Variants in TTPAL observed in about 807,000 individuals in gnomAD.
TTPAL encodes the protein alpha-tocopherol transfer protein-like.
In TTPAL, 21 loss-of-function variants were observed where a neutral mutation model predicts 28.7. The ratio of observed to expected loss-of-function variants is 0.73; its 90% CI spans 0.52 to 1.06. The LOEUF (loss-of-function observed/expected upper bound fraction) is 1.06. TTPAL is among the 50% of genes least tolerant of loss of function. The pLI, the probability that TTPAL is intolerant of heterozygous loss-of-function variation, is 0.00. For synonymous variants in TTPAL, 169 were observed against 171.9 expected (o/e 0.98, Z 0.13); for missense variants, 345 against 425.5 (o/e 0.81, Z 1.67).
At position 44,480,021 on chromosome 20, in the gene TTPAL, C is replaced by CT. The variant is rs2064086693; in HGVS notation, c.23dup (p.Arg9GlufsTer11). The CT allele has an allele frequency of 1.9e-6, 3 of 1,613,606 alleles. No individual in the cohort carries two copies. Among genetic ancestry groups the CT allele is most frequent in the Non-Finnish European group, 2.5e-6 (3 of 1,179,572 alleles). ...GCTAATGTCCGAAGAAAGTGACTCT[C>CT]TGAGAACCAGCCCTTCTGTGGCCTC... On this transcript the variant is annotated frameshift_variant, in exon 2 of 5. Coordinates refer to ENST00000262605, the MANE Select transcript of TTPAL (RefSeq NM_001039199.3). LOFTEE classifies it high-confidence loss of function. This position sits in a 1 kb window ranked among gnomAD's most constrained non-coding sequence, Gnocchi z 4.1.
chr20:44,487,242 G>A (rs544146980), intron 4 of TTPAL, among the ~76,000 whole-genome samples: 14 of 151,380 alleles, frequency 9.2e-5, no homozygotes, highest in Admixed American at 6.6e-5. Context: ...AGATCATGCC[G>A]CTGCACTCCA....
In TTPAL at chr20:44,480,504, A is replaced by G; in HGVS notation, c.445+60A>G. ...CAGTCCTTCTGCAGTGTGTCCATTC[A>G]GCACCCTGTCCTCCTTTCCAAGTCC... On this transcript the variant is annotated intron_variant, in intron 2 of 4. Transcript: ENST00000262605. The surrounding 1 kb of genome is among the most constrained non-coding windows in gnomAD (Gnocchi z 4.1). The G allele has an allele frequency of 2.0e-6, 3 of 1,465,962 alleles. No individual in the cohort carries two copies. Among genetic ancestry groups the G allele is most frequent in the Non-Finnish European group, 1.8e-6 (2 of 1,091,518 alleles). The allele number at this position is 1,465,962 out of a possible 1,614,324, so 90.8% of individuals were successfully genotyped here.
At chr20:44,487,925 C>A (rs950702840) in intron 4 of TTPAL, among the ~76,000 whole-genome samples, 2 of 152,214 alleles carry the variant, frequency 1.3e-5, no homozygotes, top group South Asian at 2.1e-4. Context: ...CGTGCCACCA[C>A]GCACAGCTAA....
chr20:44,481,689 C>T (rs925665304), intron 2 of TTPAL, among the ~76,000 whole-genome samples: 1 of 152,178 alleles, frequency 6.6e-6, no homozygotes, highest in African/African-American at 2.4e-5. Flanking sequence ...GAGTGGACAC[C>T]TCCATGCACT....
chr20:44,483,952 T>TGG (rs1426711059), intron 2 of TTPAL, among the ~76,000 whole-genome samples: 1 of 152,092 alleles, frequency 6.6e-6, no homozygotes, highest in Non-Finnish European at 1.5e-5. Context: ...CCACCATACC[T>TGG]GGCTAGTGTT....
rs1284625582 is a variant in TTPAL, at chr20:44,490,758, GTAGT to G, written c.*1220_*1223del. ...GTACTATATTGTAAACCTGGCTACAGTAGTTAATTACTTGAGATTCTTTAATTTT... is the reference window on the plus strand; with the variant it reads ...GTACTATATTGTAAACCTGGCTACAGTAATTACTTGAGATTCTTTAATTTT... On this transcript the variant is annotated 3_prime_UTR_variant, in exon 5 of 5. Transcript: ENST00000262605. 2 of 152,246 alleles carry G rather than the reference GTAGT, an allele frequency of 1.3e-5. No individual in the cohort carries two copies. The highest frequency in any genetic ancestry group is 2.9e-5 in the Non-Finnish European group (2 of 68,054). The allele number at this position is 152,246 out of a possible 1,614,324, so 9.4% of individuals were successfully genotyped here.
intron 1 of TTPAL, 78 bp from the exon 2 acceptor site, chr20:44,479,907 T>A: frequency 8.2e-7 from 1 of 1,221,052 alleles, no homozygotes; most frequent in Non-Finnish European, 1.2e-6. Context: ...ACAGAAGTGT[T>A]CCTGTCCCCT....
At chr20:44,479,960 T>C in intron 1 of TTPAL, 25 bp from the exon 2 acceptor site, 1 of 1,582,256 alleles carries the variant, frequency 6.3e-7, no homozygotes, top group South Asian at 1.1e-5. Flanking sequence ...CTTGTTAACT[T>C]TGCTTAGGGC....
rs1186025587 is a variant in TTPAL at position 44,477,631 on chromosome 20, TTATC to T, written c.-16+1652_-16+1655del. 6.6e-3 allele frequency among the ~76,000 whole-genome samples: 978 copies of T among 147,942 alleles called. 9 individuals carry two copies. The highest frequency in any genetic ancestry group is 0.015 in the African/African-American group (609 of 39,658). On this transcript the variant is annotated intron_variant, in intron 1 of 4. Transcript: ENST00000262605. ...CCTTTTAAAATATATTTTTATTTAT[TTATC>T]TATCTATCTATTTATTTATTTATTT...
chr20:44,489,598 C>G lies in TTPAL; in HGVS notation c.*57C>G. 6.5e-7 allele frequency: 1 copy of G among 1,528,888 alleles called. No individual in the cohort carries two copies. Among genetic ancestry groups the G allele is most frequent in the Non-Finnish European group, 8.8e-7 (1 of 1,134,240 alleles). The allele number at this position is 1,528,888 out of a possible 1,614,324, so 94.7% of individuals were successfully genotyped here. A position where few individuals can be genotyped will look rare whatever the true frequency, so the allele number is the denominator to read the frequency against. On this transcript the variant is annotated 3_prime_UTR_variant, in exon 5 of 5. Coordinates refer to ENST00000262605, the MANE Select transcript of TTPAL (RefSeq NM_001039199.3). ...TTTCCTTCTTTTCTTTGGAGAGGCA[C>G]AAGGAGAATTTAAGGGTCCATGGAT...
At chr20:44,487,128 A>G (rs1320596597) in intron 4 of TTPAL, among the ~76,000 whole-genome samples, 2 of 152,168 alleles carry the variant, frequency 1.3e-5, no homozygotes, top group African/African-American at 4.8e-5. Context: ...TAAAAATACA[A>G]AAAATTAGCC....
chr20:44,479,138 T>G (rs557022810), intron 1 of TTPAL, among the ~76,000 whole-genome samples: 2 of 151,626 alleles, frequency 1.3e-5, no homozygotes, highest in Non-Finnish European at 2.9e-5. Context: ...ATGGTAATAT[T>G]ACTTAACCAG....
intron 2 of TTPAL, among the ~76,000 whole-genome samples, chr20:44,483,933 A>C (rs775624789): frequency 2.0e-5 from 3 of 152,138 alleles, no homozygotes; most frequent in Admixed American, 1.3e-4. Context: ...GTGAGACTAC[A>C]GCCACACCCC....
Position 44,489,334 on chromosome 20 carries a change from T to TG in TTPAL, c.827dup (p.Thr277HisfsTer33). ...CAAGAAGCATCCTCCCCAAGGAGTA[T>TG]GGGGGCACGGCTGGGGAGCTGGACA... On this transcript the variant is annotated frameshift_variant, in exon 5 of 5. Coordinates refer to ENST00000262605, the MANE Select transcript of TTPAL (RefSeq NM_001039199.3). LOFTEE classifies it high-confidence loss of function. 3 of 1,614,138 alleles carry TG rather than the reference T, an allele frequency of 1.9e-6. No individual in the cohort carries two copies. Among genetic ancestry groups the TG allele is most frequent in the Non-Finnish European group, 2.5e-6 (3 of 1,180,022 alleles).
intron 1 of TTPAL, chr20:44,478,763 AT>A (rs1408193922): frequency 6.6e-6 from 1 of 152,166 alleles, no homozygotes; most frequent in Non-Finnish European, 1.5e-5. Context: ...TAATATGTCA[AT>A]TCATAAAGAT....
rs1221327053 is a variant in TTPAL at position 44,491,328 on chromosome 20, T to C, written c.*1787T>C. The stretch of plus-strand genomic sequence containing the variant: ...ACATGATGGTTTTTGACCTATTTCC[T>C]TTCTAATGTATTCCACATGATCATG... On this transcript the variant is annotated 3_prime_UTR_variant, in exon 5 of 5. Coordinates refer to ENST00000262605, the MANE Select transcript of TTPAL (RefSeq NM_001039199.3). The C allele has an allele frequency of 6.6e-6, 1 of 152,220 alleles. No individual in the cohort carries two copies. The highest frequency in any genetic ancestry group is 1.5e-5 in the Non-Finnish European group (1 of 68,034). The allele number at this position is 152,220 out of a possible 1,614,324, so 9.4% of individuals were successfully genotyped here. A position where few individuals can be genotyped will look rare whatever the true frequency, so the allele number is the denominator to read the frequency against.
intron 1 of TTPAL, 32 bp from the exon 2 acceptor site, chr20:44,479,953 G>A: frequency 6.4e-7 from 1 of 1,567,318 alleles, no homozygotes; most frequent in Non-Finnish European, 8.7e-7. Flanking sequence ...ATAAGCACTT[G>A]TTAACTTTGC....
chr20:44,479,410 T>TC (rs57226148), intron 1 of TTPAL, among the ~76,000 whole-genome samples: 56,117 of 116,228 alleles, frequency 0.48, 15,550 homozygotes, highest in East Asian at 0.86. Context: ...TTTTTTTTTT[T>TC]TTTTTTTTTT....
rs2064234904 is a variant in TTPAL at position 44,494,320 on chromosome 20, T to C, written c.*4779T>C. 1 of 152,716 alleles carries C rather than the reference T, an allele frequency of 6.5e-6. No individual in the cohort carries two copies. Among genetic ancestry groups the C allele is most frequent in the South Asian group, 2.1e-4 (1 of 4,826 alleles). The allele number at this position is 152,716 out of a possible 1,614,324, so 9.5% of individuals were successfully genotyped here. A position where few individuals can be genotyped will look rare whatever the true frequency, so the allele number is the denominator to read the frequency against. On this transcript the variant is annotated 3_prime_UTR_variant, in exon 5 of 5. Coordinates refer to ENST00000262605, the MANE Select transcript of TTPAL (RefSeq NM_001039199.3). ...AGGTAGGAACCTGTTACAAGTGAAA[T>C]ACTTGAAACCTCTCTGACCAAGAGC...
Sources: allele counts gnomAD v4.1 joint callset (sites outside exome capture counted in the v4.1 genomes callset), GRCh38; gene constraint gnomAD v4.1.1; non-coding constraint Gnocchi (gnomAD v3.1); transcripts MANE v1.5; gene names NCBI Gene and HGNC (gene_info 2026-07-23, HGNC 2026-07-21).